The following PLPPR1 variants were observed in gnomAD, a reference collection of about 807,000 sequenced individuals.
PLPPR1 encodes phospholipid phosphatase-related protein type 1.
In PLPPR1, 10 loss-of-function variants were observed where a neutral mutation model predicts 33.1. That is an observed-to-expected ratio of 0.30 (90% CI 0.19 to 0.51). The LOEUF (loss-of-function observed/expected upper bound fraction) is 0.51, where lower values mean the gene tolerates loss of function less well. PLPPR1 is among the 20% of genes least tolerant of loss of function. The probability of loss-of-function intolerance (pLI) is 0.97; values close to 1 mark genes in which losing one functional copy is unlikely to be tolerated. For synonymous variants in PLPPR1, 151 were observed against 151.0 expected (o/e 1.00, Z 0.00); for missense variants, 304 against 408.1 (o/e 0.74, Z 2.20).
chr9:101,162,922 C>A (rs1473540168), intron 1 of PLPPR1, among the ~76,000 whole-genome samples: 1 of 152,178 alleles, frequency 6.6e-6, no homozygotes, highest in African/African-American at 2.4e-5. Flanking sequence ...CTCCTCCAAT[C>A]TCAAGAATGA....
intron 1 of PLPPR1, among the ~76,000 whole-genome samples, chr9:101,063,397 G>T (rs1242028866): frequency 1.3e-5 from 2 of 152,014 alleles, no homozygotes; most frequent in African/African-American, 4.8e-5. Context: ...GAGTGGAGAG[G>T]TTGTGAGTAC....
chr9:101,243,518 G>A (rs1827522013), intron 2 of PLPPR1, among the ~76,000 whole-genome samples: 1 of 151,926 alleles, frequency 6.6e-6, no homozygotes, highest in African/African-American at 2.4e-5. Flanking sequence ...GAGGACTCAT[G>A]GATGACTCTC....
intron 1 of PLPPR1, among the ~76,000 whole-genome samples, chr9:101,095,014 C>T (rs757441764): frequency 7.9e-5 from 12 of 152,138 alleles, no homozygotes; most frequent in Non-Finnish European, 1.5e-4. Context: ...TTGTCGATGG[C>T]CTTGCAGCTA....
intron 3 of PLPPR1, among the ~76,000 whole-genome samples, chr9:101,283,683 A>G (rs1828341321): frequency 6.6e-6 from 1 of 152,220 alleles, no homozygotes; most frequent in Non-Finnish European, 1.5e-5. Context: ...GCTTCTGCAC[A>G]GTGAAGAAAA....
At chr9:101,223,855 T>C (rs1053249769) in intron 2 of PLPPR1, among the ~76,000 whole-genome samples, 1 of 152,120 alleles carries the variant, frequency 6.6e-6, no homozygotes, top group Non-Finnish European at 1.5e-5. Flanking sequence ...CAAATATATA[T>C]ATATGAAGTA....
intron 4 of PLPPR1, among the ~76,000 whole-genome samples, chr9:101,302,282 G>T (rs1828768133): frequency 1.3e-5 from 2 of 152,118 alleles, no homozygotes; most frequent in Admixed American, 1.3e-4. Flanking sequence ...TTATTACCTG[G>T]TATCCATGGC....
chr9:101,091,526 CT>C (rs1453167040), intron 1 of PLPPR1, among the ~76,000 whole-genome samples: 1 of 152,146 alleles, frequency 6.6e-6, no homozygotes, highest in East Asian at 1.9e-4. Flanking sequence ...CCTTCTTACA[CT>C]GCCAATTCCT....
chr9:101,240,912 T>C (rs1202805031), intron 2 of PLPPR1, among the ~76,000 whole-genome samples: 1 of 152,052 alleles, frequency 6.6e-6, no homozygotes, highest in East Asian at 1.9e-4. Flanking sequence ...GCAGTGCTAT[T>C]TGCTAAGTGT....
At chr9:101,234,205 GTGT>G (rs1827248176) in intron 2 of PLPPR1, among the ~76,000 whole-genome samples, 2 of 151,846 alleles carry the variant, frequency 1.3e-5, no homozygotes, top group South Asian at 2.1e-4. Flanking sequence ...TGGAGCCAAG[GTGT>G]TGTTTTCTCC....
At chr9:101,230,820 T>C (rs958098977) in intron 2 of PLPPR1, among the ~76,000 whole-genome samples, 7 of 127,674 alleles carry the variant, frequency 5.5e-5, no homozygotes, top group Admixed American at 2.4e-4. Context: ...CTTTTAGACA[T>C]TATTAAAGTT....
intron 2 of PLPPR1, among the ~76,000 whole-genome samples, chr9:101,188,444 A>C (rs981862735): frequency 1.3e-4 from 20 of 152,152 alleles, no homozygotes; most frequent in Middle Eastern, 6.8e-3. Flanking sequence ...ATCATCTATA[A>C]GTGGCAGCAG....
At chr9:101,077,241 T>C (rs957782981) in intron 1 of PLPPR1, among the ~76,000 whole-genome samples, 4 of 152,194 alleles carry the variant, frequency 2.6e-5, no homozygotes, top group African/African-American at 9.7e-5. Context: ...CTATCTCTTC[T>C]TAGGACTAGA....
rs1444773479 is a variant in PLPPR1, at chr9:101,038,343, T to G, written c.-46+9241T>G. 2.0e-5 allele frequency among the ~76,000 whole-genome samples: 3 copies of G among 152,122 alleles called. No individual in the cohort carries two copies. The East Asian group carries it at 5.8e-4, about 29-fold the overall frequency. On this transcript the variant is annotated intron_variant, in intron 1 of 7. Coordinates refer to ENST00000374874, the MANE Select transcript of PLPPR1 (RefSeq NM_207299.2). ...TCAGTCCTCATGTATATTCAGTCATTGAACAAATATTTTTTCTGAGCTCAT... is the reference window on the plus strand; with the variant it reads ...TCAGTCCTCATGTATATTCAGTCATGGAACAAATATTTTTTCTGAGCTCAT...
intron 1 of PLPPR1, among the ~76,000 whole-genome samples, chr9:101,140,663 G>T (rs1056167330): frequency 2.0e-5 from 3 of 152,122 alleles, no homozygotes; most frequent in Non-Finnish European, 4.4e-5. Context: ...CAGTAAAATT[G>T]TTATACCCTT....
chr9:101,314,027 C>A (rs1035066578), intron 6 of PLPPR1, among the ~76,000 whole-genome samples: 1 of 152,116 alleles, frequency 6.6e-6, no homozygotes, highest in African/African-American at 2.4e-5. Flanking sequence ...CATGGTCACA[C>A]CTCAGAGATG....
intron 1 of PLPPR1, among the ~76,000 whole-genome samples, chr9:101,098,521 C>G (rs954492521): frequency 2.6e-5 from 4 of 152,082 alleles, no homozygotes; most frequent in Middle Eastern, 3.4e-3. Flanking sequence ...GGGAATGGGA[C>G]TGACTAGTGA....
In PLPPR1 at chr9:101,190,776, A is replaced by G. The variant is rs142670501; in HGVS notation, c.63+5219A>G. ...GCCCCTGGTAATCCTTGAATTTCTTATAGACCAAAAGGAAAAGTTAAGATG... is the reference window on the plus strand; with the variant it reads ...GCCCCTGGTAATCCTTGAATTTCTTGTAGACCAAAAGGAAAAGTTAAGATG... On this transcript the variant is annotated intron_variant, in intron 2 of 7. Transcript: ENST00000374874. Among the ~76,000 whole-genome samples the G allele has an allele frequency of 4.7e-4, 71 of 152,286 alleles. 1 individual carries two copies. The highest frequency in any genetic ancestry group is 1.7e-3 in the African/African-American group (69 of 41,554).
chr9:101,129,634 A>G (rs1349912165), intron 1 of PLPPR1, among the ~76,000 whole-genome samples: 1 of 152,184 alleles, frequency 6.6e-6, no homozygotes, highest in Non-Finnish European at 1.5e-5. Context: ...GATCGAGACC[A>G]TCCTGGCCAA....
chr9:101,225,653 T>G (rs1827048562), intron 2 of PLPPR1, among the ~76,000 whole-genome samples: 1 of 152,154 alleles, frequency 6.6e-6, no homozygotes, highest in Non-Finnish European at 1.5e-5. Flanking sequence ...GGTTTTGAAA[T>G]GTCACACACC....
Sources: gnomAD v4.1 joint callset for allele counts (sites outside exome capture counted in the v4.1 genomes callset) on GRCh38, gnomAD v4.1.1 for gene constraint, MANE v1.5 for transcripts, NCBI Gene and HGNC (gene_info 2026-07-23, HGNC 2026-07-21) for gene names.